The following SLC4A8 variants were observed in gnomAD, a reference collection of about 807,000 sequenced individuals.
SLC4A8 encodes electroneutral sodium bicarbonate exchanger 1.
In SLC4A8, 40 loss-of-function variants were observed where a neutral mutation model predicts 125.0. The ratio of observed to expected loss-of-function variants is 0.32; its 90% CI spans 0.25 to 0.42. The LOEUF (loss-of-function observed/expected upper bound fraction) is 0.42. Among genes scored for constraint, SLC4A8 ranks in the 10% least tolerant of loss-of-function variants. The pLI is 1.00. For synonymous variants in SLC4A8, 456 were observed against 476.0 expected, an observed-to-expected ratio of 0.96 and a Z score of 0.55; for missense variants, 863 against 1,355.1, an observed-to-expected ratio of 0.64 and a Z score of 5.70.
Position 51,489,927 on chromosome 12 carries a change from A to G in SLC4A8, c.2676A>G (p.Ser892=). The G allele has an allele frequency of 6.2e-7, 1 of 1,614,232 alleles. No individual in the cohort carries two copies. Residue 892 remains serine, a synonymous_variant, in exon 19 of 25, where the codon TCA becomes TCG. Transcript: ENST00000453097. The stretch of plus-strand genomic sequence containing the variant: ...TGATCTTTGTGCTGATGGGCTGCTC[A>G]GTCTTCATGACGGCTATCTTAAAGG... ...GLMIFVLMGC[S]VFMTAILKFI... is the part of the protein sequence containing the mutation.
intron 16 of SLC4A8, among the ~76,000 whole-genome samples, chr12:51,477,878 C>A (rs763979685): frequency 2.6e-5 from 4 of 152,190 alleles, no homozygotes; most frequent in Non-Finnish European, 4.4e-5. Flanking sequence ...TCTGTAATCC[C>A]AGCATTTTAA....
At chr12:51,506,224 T>C (rs1216360166) in intron 24 of SLC4A8, among the ~76,000 whole-genome samples, 1 of 152,224 alleles carries the variant, frequency 6.6e-6, no homozygotes, top group Non-Finnish European at 1.5e-5. Flanking sequence ...CTCTTTCTAG[T>C]TCTCATTTCA....
At chr12:51,423,234 T>C (rs938323740), upstream of SLC4A8, among the ~76,000 whole-genome samples, 19 of 152,158 alleles carry the variant, frequency 1.2e-4, no homozygotes, top group Admixed American at 9.2e-4. Context: ...AACCACAGCA[T>C]GACAACTGCT....
At chr12:51,506,226 C>T (rs978732281) in intron 24 of SLC4A8, among the ~76,000 whole-genome samples, 21 of 152,156 alleles carry the variant, frequency 1.4e-4, no homozygotes, top group Non-Finnish European at 2.2e-4. Flanking sequence ...CTTTCTAGTT[C>T]TCATTTCAGA....
intron 1 of SLC4A8, among the ~76,000 whole-genome samples, chr12:51,414,955 T>G (rs1375731221): frequency 6.6e-6 from 1 of 152,228 alleles, no homozygotes; most frequent in Non-Finnish European, 1.5e-5. Context: ...GTTAATGTGA[T>G]GTATATTGAT....
chr12:51,513,684 A>T lies in SLC4A8; in HGVS notation c.*6246A>T, dbSNP rs745469888. 1 of 152,196 alleles carries T rather than the reference A, an allele frequency of 6.6e-6. No individual in the cohort carries two copies. Among genetic ancestry groups the T allele is most frequent in the Non-Finnish European group, 1.5e-5 (1 of 68,112 alleles). 9.4% of individuals were successfully genotyped at this position (152,196 alleles called of 1,614,324 possible). ...TGGCCAGGATGGTCTTGATCTCTTG[A>T]CCTCATGATCCACCCGCCTTGGCCT... On this transcript the variant is annotated 3_prime_UTR_variant, in exon 25 of 25. Coordinates refer to ENST00000453097, the MANE Select transcript of SLC4A8 (RefSeq NM_001039960.3).
Position 51,459,947 on chromosome 12 carries a change from T to C in SLC4A8, c.856-4T>C, listed in dbSNP as rs1279141611. ...GTTGTCAGATGTTTCTTTTGGACTT[T>C]CAGGTAGACCTTCATTTCATGAAAA... is the stretch of plus-strand genomic sequence containing the variant. On this transcript the variant is annotated splice_region_variant and splice_polypyrimidine_tract_variant and intron_variant, in intron 7 of 24. Coordinates refer to ENST00000453097, the MANE Select transcript of SLC4A8 (RefSeq NM_001039960.3). 9.9e-6 allele frequency: 16 copies of C among 1,608,946 alleles called. No homozygotes were observed. Among genetic ancestry groups the C allele is most frequent in the Non-Finnish European group, 1.4e-5 (16 of 1,178,346 alleles).
chr12:51,403,105 ATT>A, intron 1 of SLC4A8: 1 of 432,220 alleles, frequency 2.3e-6, no homozygotes, highest in South Asian at 1.6e-5. Context: ...TGAAATTTAG[ATT>A]AGGTAATAGG....
chr12:51,452,097 G>A (rs1432947858), intron 3 of SLC4A8, 27 bp from the exon 4 acceptor site: 2 of 1,613,384 alleles, frequency 1.2e-6, no homozygotes, highest in African/African-American at 1.3e-5. Flanking sequence ...GGCTAGAGCA[G>A]ACCTTTCTCT....
intron 15 of SLC4A8, 137 bp downstream of exon 15, chr12:51,474,584 C>T: frequency 7.0e-7 from 1 of 1,419,252 alleles, no homozygotes; most frequent in South Asian, 1.5e-5. Flanking sequence ...ACAATTCTTA[C>T]TCACTTTCTT....
intron 1 of SLC4A8, among the ~76,000 whole-genome samples, chr12:51,405,402 C>T (rs1234329624): frequency 6.6e-6 from 1 of 152,230 alleles, no homozygotes; most frequent in Non-Finnish European, 1.5e-5. Flanking sequence ...TGCTTCATTA[C>T]ACCATTAGGC....
intron 1 of SLC4A8, 100 bp downstream of exon 1, chr12:51,425,135 A>G: frequency 6.8e-7 from 1 of 1,470,484 alleles, no homozygotes; most frequent in South Asian, 1.4e-5. Context: ...CAGGCTTCCC[A>G]GGCCGCTCCC....
intron 4 of SLC4A8, 73 bp downstream of exon 4, chr12:51,452,332 C>A: frequency 1.3e-6 from 2 of 1,516,008 alleles, no homozygotes; most frequent in Non-Finnish European, 1.8e-6. Flanking sequence ...AAGTGACAGG[C>A]CTGCCTGCCT....
At chr12:51,461,490 C>A in intron 9 of SLC4A8, 199 bp downstream of exon 9, 1 of 442,780 alleles carries the variant, frequency 2.3e-6, no homozygotes, top group Non-Finnish European at 4.0e-6. Flanking sequence ...TGTTATCTCT[C>A]CTTTTTTGAG....
At position 51,424,920 on chromosome 12, in the gene SLC4A8, C is replaced by T. The variant is rs997815920; in HGVS notation, c.-68C>T. 5 of 1,514,474 alleles carry T rather than the reference C, an allele frequency of 3.3e-6. No homozygotes were observed. In the African/African-American group the frequency reaches 5.5e-5, roughly 17 times the overall value. 93.8% of individuals were successfully genotyped at this position (1,514,474 alleles called of 1,614,324 possible). On this transcript the variant is annotated 5_prime_UTR_variant, in exon 1 of 25. Transcript: ENST00000453097. Reference sequence around the variant, plus strand: ...GCCGTTCGAGTGATCTGCTCAGACCCGACCAGAGGGCGCGGGCTGCTGATG... The same window carrying T: ...GCCGTTCGAGTGATCTGCTCAGACCTGACCAGAGGGCGCGGGCTGCTGATG...
rs1938354706 is a variant in SLC4A8, at chr12:51,511,171, T to C, written c.*3733T>C. On this transcript the variant is annotated 3_prime_UTR_variant, in exon 25 of 25. Transcript: ENST00000453097. ...AATTCCTCCTGGAATTGGTTTTCCT[T>C]GGTGGTAATTTCTCATGGTGGAGCT... is the stretch of plus-strand genomic sequence containing the variant. 6.6e-6 allele frequency: 1 copy of C among 152,224 alleles called. No homozygotes were observed. The highest frequency in any genetic ancestry group is 2.4e-5 in the African/African-American group (1 of 41,434). 9.4% of individuals were successfully genotyped at this position (152,224 alleles called of 1,614,324 possible). A position where few individuals can be genotyped will look rare whatever the true frequency, so the allele number is the denominator to read the frequency against.
intron 1 of SLC4A8, among the ~76,000 whole-genome samples, chr12:51,433,874 TTTTTG>T (rs1565772369): frequency 4.6e-4 from 14 of 30,428 alleles, no homozygotes; most frequent in African/African-American, 5.6e-4. Context: ...TTTTTTTTTT[TTTTTG>T]GTTGGTTTTT....
At chr12:51,496,442 T>C (rs1262961836) in intron 21 of SLC4A8, among the ~76,000 whole-genome samples, 1 of 152,230 alleles carries the variant, frequency 6.6e-6, no homozygotes, top group East Asian at 1.9e-4. Context: ...TTTCTCTCTC[T>C]GGGCCTCAGT....
chr12:51,505,089 T>C (rs1938108590), intron 23 of SLC4A8, among the ~76,000 whole-genome samples: 1 of 152,208 alleles, frequency 6.6e-6, no homozygotes, highest in African/African-American at 2.4e-5. Context: ...TAGTCTTGGT[T>C]CTTAATAAAC....
Sources: gnomAD v4.1 joint callset for allele counts (sites outside exome capture counted in the v4.1 genomes callset) on GRCh38, gnomAD v4.1.1 for gene constraint, MANE v1.5 for transcripts, NCBI Gene and HGNC (gene_info 2026-07-23, HGNC 2026-07-21) for gene names.